The following CNTN5 variants were observed in gnomAD, a reference collection of about 807,000 sequenced individuals.
CNTN5 encodes contactin-5.
Under a neutral mutation model 129.1 loss-of-function variants are expected in CNTN5, and 77 were observed. The observed-to-expected ratio is 0.60, with a 90% CI of 0.50 to 0.72. The LOEUF (loss-of-function observed/expected upper bound fraction) is 0.72, where lower values mean the gene tolerates loss of function less well. CNTN5 is among the 30% of genes least tolerant of loss of function. The pLI, the probability that CNTN5 is intolerant of heterozygous loss-of-function variation, is 0.00. For synonymous variants in CNTN5, 509 were observed against 465.6 expected (o/e 1.09, Z -1.20); for missense variants, 1,478 against 1,328.8 (o/e 1.11, Z -1.75).
chr11:99,221,322 C>G (rs1238463914), intron 1 of CNTN5, among the ~76,000 whole-genome samples: 1 of 151,890 alleles, frequency 6.6e-6, no homozygotes. Context: ...TTTTCTCAGG[C>G]TATCTCAGAG....
At chr11:100,337,023 CA>C in intron 21 of CNTN5, 1 of 882,706 alleles carries the variant, frequency 1.1e-6, no homozygotes, top group Non-Finnish European at 1.9e-6. Context: ...TGCTTTCTGC[CA>C]CTTTGATTGA....
intron 9 of CNTN5, among the ~76,000 whole-genome samples, chr11:100,017,325 G>A (rs1010137617): frequency 2.6e-5 from 4 of 151,972 alleles, no homozygotes; most frequent in African/African-American, 9.7e-5. Flanking sequence ...ATTCTGTTGA[G>A]AGAAAGCATA....
At chr11:99,807,975 G>T (rs1414845254) in intron 3 of CNTN5, among the ~76,000 whole-genome samples, 3 of 152,108 alleles carry the variant, frequency 2.0e-5, no homozygotes, top group Non-Finnish European at 4.4e-5. Context: ...TATTCCCTAA[G>T]GGAAAGAATT....
intron 15 of CNTN5, among the ~76,000 whole-genome samples, chr11:100,217,480 T>C (rs1323059550): frequency 6.6e-6 from 1 of 152,232 alleles, no homozygotes; most frequent in East Asian, 1.9e-4. Flanking sequence ...ATAGCTACTG[T>C]AGAATGTTAT....
chr11:99,932,499 T>A (rs1950215745), intron 7 of CNTN5, among the ~76,000 whole-genome samples: 1 of 152,204 alleles, frequency 6.6e-6, no homozygotes, highest in African/African-American at 2.4e-5. Context: ...AGTCAACTTG[T>A]ATCATTTTTT....
intron 2 of CNTN5, among the ~76,000 whole-genome samples, chr11:99,453,134 A>G (rs530714694): frequency 6.6e-6 from 1 of 152,340 alleles, no homozygotes; most frequent in Non-Finnish European, 1.5e-5. Flanking sequence ...AGCACTAAAA[A>G]GTACTCTAGA....
chr11:99,212,420 A>C (rs193205067), intron 1 of CNTN5, among the ~76,000 whole-genome samples: 124 of 152,254 alleles, frequency 8.1e-4, no homozygotes, highest in Non-Finnish European at 8.8e-5. Flanking sequence ...TCTTTTGACT[A>C]TTTCCACTAT....
rs988992430 is a variant in CNTN5 at position 100,213,651 on chromosome 11, T to C, written c.1885-11041T>C. On this transcript the variant is annotated intron_variant, in intron 15 of 24. Transcript: ENST00000524871. ...TTGAACTTTTCATAGTTGGTTTTGA[T>C]TGACACATCTATTCAAATTGACCTT... Among the ~76,000 whole-genome samples the C allele has an allele frequency of 2.6e-5, 4 of 152,214 alleles. No individual in the cohort carries two copies. The East Asian group carries it at 7.7e-4, about 29-fold the overall frequency.
intron 3 of CNTN5, among the ~76,000 whole-genome samples, chr11:99,623,189 T>C (rs2135771789): frequency 6.6e-6 from 1 of 152,246 alleles, no homozygotes; most frequent in African/African-American, 2.4e-5. Flanking sequence ...CTTAAAATTA[T>C]ATTAGTTAGG....
intron 3 of CNTN5, among the ~76,000 whole-genome samples, chr11:99,810,836 C>T (rs1247830199): frequency 6.6e-6 from 1 of 151,948 alleles, no homozygotes; most frequent in African/African-American, 2.4e-5. Context: ...GACTTTGATG[C>T]CAAATGGAGT....
At chr11:99,480,590 G>A (rs1276492034) in intron 2 of CNTN5, among the ~76,000 whole-genome samples, 2 of 152,108 alleles carry the variant, frequency 1.3e-5, no homozygotes, top group East Asian at 3.8e-4. Context: ...GCATATTCTT[G>A]AGATTCACTA....
chr11:99,361,133 G>A (rs1034718283), intron 2 of CNTN5, among the ~76,000 whole-genome samples: 1 of 152,022 alleles, frequency 6.6e-6, no homozygotes, highest in African/African-American at 2.4e-5. Context: ...TCATCAAAAT[G>A]GCCTTTACCA....
At chr11:99,716,419 A>T (rs1417904341) in intron 3 of CNTN5, among the ~76,000 whole-genome samples, 1 of 151,718 alleles carries the variant, frequency 6.6e-6, no homozygotes, top group Non-Finnish European at 1.5e-5. Flanking sequence ...CTCCTCTGCT[A>T]CTCCTCAGTA....
intron 13 of CNTN5, among the ~76,000 whole-genome samples, chr11:100,184,521 G>A (rs1179370807): frequency 6.6e-6 from 1 of 152,156 alleles, no homozygotes; most frequent in Admixed American, 6.5e-5. Flanking sequence ...CCAGCTGACA[G>A]ACAGCAAGGG....
chr11:100,259,060 G>A (rs1054562658), intron 17 of CNTN5, among the ~76,000 whole-genome samples: 3 of 152,112 alleles, frequency 2.0e-5, no homozygotes, highest in Non-Finnish European at 4.4e-5. Flanking sequence ...CATCTCACTT[G>A]CAAAGTCACA....
intron 1 of CNTN5, among the ~76,000 whole-genome samples, chr11:99,164,278 G>A (rs1416687068): frequency 5.5e-5 from 8 of 145,242 alleles, no homozygotes; most frequent in Admixed American, 3.5e-4. Context: ...AGCCGAGATC[G>A]CGCCACTATA....
Position 99,154,678 on chromosome 11 carries a change from C to T in CNTN5, c.-210+133408C>T, listed in dbSNP as rs1860246760. Among the ~76,000 whole-genome samples, 5 of 152,116 alleles carry T rather than the reference C, an allele frequency of 3.3e-5. No individual in the cohort carries two copies. In the South Asian group the frequency reaches 8.3e-4, roughly 25 times the overall value. On this transcript the variant is annotated intron_variant, in intron 1 of 24. Transcript: ENST00000524871. Reference sequence around the variant, plus strand: ...CCAGTCTGCTGGAGCTCTCTGATAGCCAGGTGCTGTCTGCTGTAATAGGTG... The same window carrying T: ...CCAGTCTGCTGGAGCTCTCTGATAGTCAGGTGCTGTCTGCTGTAATAGGTG...
chr11:99,756,163 T>C (rs374019289), intron 3 of CNTN5, among the ~76,000 whole-genome samples: 2 of 152,116 alleles, frequency 1.3e-5, no homozygotes, highest in Non-Finnish European at 2.9e-5. Context: ...TTCTCCTGTT[T>C]AGTTTCTTAA....
At chr11:99,274,392 G>C (rs959388742) in intron 1 of CNTN5, among the ~76,000 whole-genome samples, 8 of 151,564 alleles carry the variant, frequency 5.3e-5, no homozygotes, top group African/African-American at 1.9e-4. Context: ...TTGTACCAGT[G>C]TTCAGAGATA....
Sources: allele counts gnomAD v4.1 joint callset (sites outside exome capture counted in the v4.1 genomes callset), GRCh38; gene constraint gnomAD v4.1.1; transcripts MANE v1.5; gene names NCBI Gene and HGNC (gene_info 2026-07-23, HGNC 2026-07-21).